CBR4: variants seen among roughly 807,000 people sequenced by gnomAD.
CBR4 encodes carbonyl reductase 4, also known as 3-oxoacyl-[acyl-carrier-protein] reductase.
In CBR4, 22 loss-of-function variants were observed where a neutral mutation model predicts 21.0. That is an observed-to-expected ratio of 1.05 (90% CI 0.75 to 1.50). The LOEUF (loss-of-function observed/expected upper bound fraction) is 1.50. Ranked by LOEUF, CBR4 falls within the 40% of genes most tolerant of loss-of-function variation. The pLI, the probability that CBR4 is intolerant of heterozygous loss-of-function variation, is 0.00. For missense variants in CBR4, 302 were observed against 286.3 expected (o/e 1.05, Z -0.40); for synonymous variants, 100 against 104.4 (o/e 0.96, Z 0.26).
chr4:168,903,665 G>C, intron 2 of CBR4: 1 of 1,041,766 alleles, frequency 9.6e-7, no homozygotes, highest in South Asian at 1.3e-5. Context: ...ACTCAGATCA[G>C]CTCTGCAAAC....
intron 2 of CBR4, among the ~76,000 whole-genome samples, chr4:168,935,565 G>A (rs547316442): frequency 7.2e-5 from 11 of 152,166 alleles, no homozygotes; most frequent in Non-Finnish European, 1.3e-4. Context: ...GGACACCCCA[G>A]CTTGGTGAGG....
chr4:168,979,321 G>C (rs1764469683), intron 2 of CBR4, among the ~76,000 whole-genome samples: 2 of 151,382 alleles, frequency 1.3e-5, no homozygotes, highest in Non-Finnish European at 2.9e-5. Context: ...CTCTGGCTTG[G>C]AATGGAAAGA....
At chr4:168,980,492 T>C (rs773747793) in intron 2 of CBR4, among the ~76,000 whole-genome samples, 1 of 152,090 alleles carries the variant, frequency 6.6e-6, no homozygotes, top group African/African-American at 2.4e-5. Flanking sequence ...TCCCAGCACT[T>C]TGGGAGACAG....
At chr4:168,986,893 G>T (rs1342454014), downstream of CBR4, among the ~76,000 whole-genome samples, 1 of 152,078 alleles carries the variant, frequency 6.6e-6, no homozygotes, top group African/African-American at 2.4e-5. Context: ...AGTGAGCTGT[G>T]ATCATGCCAC....
At chr4:168,916,153 C>T in intron 2 of CBR4, 2 of 941,910 alleles carry the variant, frequency 2.1e-6, no homozygotes, top group South Asian at 1.3e-5. Context: ...TGGCTCACAC[C>T]TATAATCCCA....
chr4:168,965,163 C>T (rs1763981681), intron 2 of CBR4, among the ~76,000 whole-genome samples: 1 of 152,102 alleles, frequency 6.6e-6, no homozygotes, highest in South Asian at 2.1e-4. Context: ...ACAATTACTA[C>T]AAAGAGAATA....
intron 4 of CBR4, among the ~76,000 whole-genome samples, chr4:168,998,258 C>T (rs999589769): frequency 6.6e-6 from 1 of 152,176 alleles, no homozygotes; most frequent in Non-Finnish European, 1.5e-5. Context: ...TGCAAATGTG[C>T]AAAATAAACT....
chr4:168,986,092 G>A (rs552645326), downstream of CBR4, among the ~76,000 whole-genome samples: 96 of 149,178 alleles, frequency 6.4e-4, no homozygotes, highest in South Asian at 7.4e-3. Flanking sequence ...GAAAATATCC[G>A]GGGGGGGAAC....
intron 2 of CBR4, among the ~76,000 whole-genome samples, chr4:168,979,551 TGC>T (rs1764477032): frequency 2.6e-5 from 2 of 75,636 alleles, no homozygotes; most frequent in African/African-American, 6.4e-5. Flanking sequence ...CCTCTGCCAT[TGC>T]GGGGCTTCAG....
At chr4:168,902,356 G>A (rs9994211) in intron 2 of CBR4, among the ~76,000 whole-genome samples, 110,472 of 152,122 alleles carry the variant, frequency 0.73, 40,796 homozygotes, top group East Asian at 0.96. Context: ...TGCTTATCTA[G>A]TAAGTCTGCA....
chr4:168,984,633 G>A (rs1033553736), downstream of CBR4, among the ~76,000 whole-genome samples: 1 of 152,126 alleles, frequency 6.6e-6, no homozygotes, highest in Admixed American at 6.6e-5. Context: ...AACAAAGCTG[G>A]AGGCATCACA....
chr4:168,947,232 T>C (rs1342872936), intron 2 of CBR4, among the ~76,000 whole-genome samples: 2 of 152,172 alleles, frequency 1.3e-5, no homozygotes, highest in Non-Finnish European at 2.9e-5. Flanking sequence ...TTCTATAGTT[T>C]CTTTTAGTCT....
At chr4:168,974,628 G>T (rs1265332858) in intron 2 of CBR4, among the ~76,000 whole-genome samples, 2 of 151,966 alleles carry the variant, frequency 1.3e-5, no homozygotes, top group East Asian at 3.9e-4. Flanking sequence ...TGTCTTTGTT[G>T]GATTGGGTTA....
chr4:168,918,093 G>A (rs1760587645), intron 2 of CBR4, among the ~76,000 whole-genome samples: 1 of 151,978 alleles, frequency 6.6e-6, no homozygotes, highest in Admixed American at 6.6e-5. Context: ...CAGCTACTCA[G>A]GGGGCTGAGG....
chr4:169,007,672 C>T lies in CBR4; in HGVS notation c.227G>A (p.Arg76Gln). ...TFEELEKHLG[R>Q]VNFLVNAAGI... ...AGCTGCATTTACCAAGAAATTTACT[C>T]GACCTAAATGTTTCTCCAGCTCTTC... Residue 76 changes from arginine to glutamine, a missense_variant, in exon 2 of 5, where the codon CGA becomes CAA. Transcript: ENST00000306193. The T allele has an allele frequency of 6.3e-7, 1 of 1,588,288 alleles. No homozygotes were observed. The highest frequency in any genetic ancestry group is 8.6e-7 in the Non-Finnish European group (1 of 1,169,152).
At chr4:168,947,519 C>G (rs10031200) in intron 2 of CBR4, among the ~76,000 whole-genome samples, 1,723 of 152,224 alleles carry the variant, frequency 0.011, 47 homozygotes, top group African/African-American at 0.039. Flanking sequence ...TATTTGTAAT[C>G]GTTTATTCCT....
At position 168,988,273 on chromosome 4, in the gene CBR4, GGGA is replaced by G; in HGVS notation, c.*1874_*1876del. 1 of 985,266 alleles carries G rather than the reference GGGA, an allele frequency of 1.0e-6. No homozygotes were observed. Among genetic ancestry groups the G allele is most frequent in the Middle Eastern group, 5.2e-4 (1 of 1,916 alleles). The allele number at this position is 985,266 out of a possible 1,614,324, so 61.0% of individuals were successfully genotyped here. ...ATTCCACCAGTTTGAGATAGGCTGG[GGGA>G]GGAGGTGGAATAGCTTAAAAGGTTA... On this transcript the variant is annotated 3_prime_UTR_variant, in exon 5 of 5. Transcript: ENST00000306193.
intron 2 of CBR4, among the ~76,000 whole-genome samples, chr4:168,968,041 C>G (rs559830572): frequency 6.6e-5 from 10 of 152,228 alleles, no homozygotes; most frequent in Admixed American, 4.6e-4. Context: ...CAAATTCAAA[C>G]CTCCTCTACT....
chr4:168,925,572 A>T (rs1762417684), intron 2 of CBR4, among the ~76,000 whole-genome samples: 1 of 152,222 alleles, frequency 6.6e-6, no homozygotes, highest in Admixed American at 6.5e-5. Context: ...TTAAGCAGCC[A>T]GCAGTAGACT....
Sources: gnomAD v4.1 joint callset for allele counts (sites outside exome capture counted in the v4.1 genomes callset) on GRCh38, gnomAD v4.1.1 for gene constraint, MANE v1.5 for transcripts, NCBI Gene and HGNC (gene_info 2026-07-23, HGNC 2026-07-21) for gene names.